The following RWDD4 variants were observed in gnomAD, a reference collection of about 807,000 sequenced individuals.
RWDD4 encodes RWD domain containing 4.
Under a neutral mutation model 30.0 loss-of-function variants are expected in RWDD4, and 16 were observed. That is an observed-to-expected ratio of 0.53 (90% CI 0.36 to 0.81). The LOEUF (loss-of-function observed/expected upper bound fraction) is 0.81. Ranked by LOEUF, RWDD4 falls within the 30% of genes least tolerant of loss-of-function variation. The pLI is 0.00. For synonymous variants in RWDD4, 45 were observed against 72.1 expected (o/e 0.62, Z 1.90); for missense variants, 170 against 223.9 (o/e 0.76, Z 1.54).
chr4:183,658,791 G>T, intron 1 of RWDD4, 138 bp downstream of exon 1: 1 of 693,806 alleles, frequency 1.4e-6, no homozygotes, highest in Non-Finnish European at 2.0e-6. Context: ...TGGGACGCCG[G>T]TGAACTCGGG....
intron 7 of RWDD4, among the ~76,000 whole-genome samples, chr4:183,642,732 G>A (rs569065047): frequency 2.0e-4 from 30 of 152,226 alleles, no homozygotes; most frequent in Admixed American, 5.9e-4. Context: ...CAAATGTCAT[G>A]CAGCCTCTGG....
At chr4:183,658,880 C>A in intron 1 of RWDD4, 49 bp downstream of exon 1, 1 of 1,233,046 alleles carries the variant, frequency 8.1e-7, no homozygotes, top group Non-Finnish European at 1.0e-6. Context: ...GGGCCCGGGG[C>A]TGCGCGCCGC....
intron 1 of RWDD4, among the ~76,000 whole-genome samples, chr4:183,658,345 A>C (rs891924540): frequency 6.6e-6 from 1 of 152,046 alleles, no homozygotes; most frequent in East Asian, 1.9e-4. Context: ...CCACCCCCCA[A>C]CTCTAATATT....
At chr4:183,641,872 G>A (rs1579120710) in intron 7 of RWDD4, among the ~76,000 whole-genome samples, 2 of 152,004 alleles carry the variant, frequency 1.3e-5, no homozygotes, top group African/African-American at 2.4e-5. Context: ...AAAAAAATAC[G>A]TAACCTAAGA....
chr4:183,648,891 G>T (rs186718123), intron 5 of RWDD4, among the ~76,000 whole-genome samples: 147 of 151,356 alleles, frequency 9.7e-4, no homozygotes, highest in African/African-American at 3.4e-3. Flanking sequence ...TTGTTGCCCA[G>T]GCTGAAGTGC....
Position 183,641,434 on chromosome 4 carries a change from T to G in RWDD4, c.*2A>C. ...CTCTTTCCTTGTCTCAAATTCCAAG[T>G]GCTACTCATCATCCTTAGAGCCAGT... On this transcript the variant is annotated 3_prime_UTR_variant, in exon 8 of 8. Coordinates refer to ENST00000326397, the MANE Select transcript of RWDD4 (RefSeq NM_152682.4). 1.2e-6 allele frequency: 2 copies of G among 1,603,908 alleles called. No homozygotes were observed. The highest frequency in any genetic ancestry group is 1.7e-6 in the Non-Finnish European group (2 of 1,172,590).
intron 7 of RWDD4, among the ~76,000 whole-genome samples, chr4:183,643,166 C>T (rs1265250765): frequency 2.8e-5 from 4 of 145,268 alleles, no homozygotes; most frequent in African/African-American, 1.0e-4. Flanking sequence ...GTGGCTCACA[C>T]CTGTAATCCC....
At chr4:183,642,506 C>A (rs554397360) in intron 7 of RWDD4, among the ~76,000 whole-genome samples, 1 of 152,088 alleles carries the variant, frequency 6.6e-6, no homozygotes, top group Non-Finnish European at 1.5e-5. Flanking sequence ...TCTTTATTAT[C>A]TAGCTCAGTG....
rs1281814713 is a variant in RWDD4, at chr4:183,658,917, C to A, written c.24+12G>T. On this transcript the variant is annotated intron_variant, in intron 1 of 7. Transcript: ENST00000326397. Reference sequence around the variant, plus strand: ...CCCGCGCTGGGAGAGGGCCCTGAGCCGGGGGGCTCACCTCCTGGTCCTCGT... The same window carrying A: ...CCCGCGCTGGGAGAGGGCCCTGAGCAGGGGGGCTCACCTCCTGGTCCTCGT... The A allele has an allele frequency of 1.3e-5, 16 of 1,265,764 alleles. No individual in the cohort carries two copies. Among genetic ancestry groups the A allele is most frequent in the Non-Finnish European group, 1.6e-5 (16 of 1,006,992 alleles). The allele number at this position is 1,265,764 out of a possible 1,614,324, so 78.4% of individuals were successfully genotyped here. A position where few individuals can be genotyped will look rare whatever the true frequency, so the allele number is the denominator to read the frequency against.
At chr4:183,643,115 TA>T (rs57474200) in intron 7 of RWDD4, among the ~76,000 whole-genome samples, 2,450 of 109,368 alleles carry the variant, frequency 0.022, 58 homozygotes, top group African/African-American at 0.05. Context: ...AAATAAAAAT[TA>T]AAAAAAAAAA....
intron 2 of RWDD4, 149 bp downstream of exon 2, chr4:183,655,732 T>C: frequency 2.0e-6 from 1 of 509,862 alleles, no homozygotes; most frequent in Non-Finnish European, 3.5e-6. Context: ...TAAAAATGAC[T>C]GATGTTAGGG....
chr4:183,642,611 C>CA (rs1469853158), intron 7 of RWDD4, among the ~76,000 whole-genome samples: 1 of 151,872 alleles, frequency 6.6e-6, no homozygotes, highest in Non-Finnish European at 1.5e-5. Context: ...TAAGAACAAC[C>CA]TGGGTTAATA....
At chr4:183,644,704 A>G (rs948317203) in intron 7 of RWDD4, among the ~76,000 whole-genome samples, 1 of 151,998 alleles carries the variant, frequency 6.6e-6, no homozygotes, top group African/African-American at 2.4e-5. Context: ...GCTTGAACCC[A>G]GGAGCAGAGG....
Position 183,651,266 on chromosome 4 carries a change from G to T in RWDD4, c.167C>A (p.Pro56His). Residue 56 changes from proline (P) to histidine (H), a missense_variant, in exon 3 of 8, where the codon CCC (proline) becomes CAC (histidine). Transcript: ENST00000326397. Reference sequence around the variant, plus strand: ...CATAGATAGAATTGGAGGTGTTTGGGGATATGTTTCTGTCCAGGAAATCTC... The same window carrying T: ...CATAGATAGAATTGGAGGTGTTTGGTGATATGTTTCTGTCCAGGAAATCTC... ...LIEISWTETY[P>H]QTPPILSMNA... 3.1e-6 allele frequency: 5 copies of T among 1,613,046 alleles called. No homozygotes were observed. Among genetic ancestry groups the T allele is most frequent in the Non-Finnish European group, 4.2e-6 (5 of 1,179,980 alleles).
At chr4:183,655,824 C>A in intron 2 of RWDD4, 57 bp downstream of exon 2, 2 of 989,698 alleles carry the variant, frequency 2.0e-6, no homozygotes, top group Non-Finnish European at 1.5e-6. Flanking sequence ...GCATTTTTAG[C>A]CACTTTCAGT....
At position 183,641,446 on chromosome 4, in the gene RWDD4, T is replaced by A; in HGVS notation, c.557A>T (p.Asp186Val). The A allele has an allele frequency of 1.9e-6, 3 of 1,608,750 alleles. No individual in the cohort carries two copies. Among genetic ancestry groups the A allele is most frequent in the Non-Finnish European group, 2.6e-6 (3 of 1,176,318 alleles). Residue 186 changes from aspartate to valine, a missense_variant, in exon 8 of 8, where the codon GAT becomes GTT. By Grantham distance (152) the Asp-to-Val change is radical (BLOSUM62 -3). Transcript: ENST00000326397. The stretch of plus-strand genomic sequence containing the variant: ...CTCAAATTCCAAGTGCTACTCATCA[T>A]CCTTAGAGCCAGTTTTGCTTAACTA... ...VKHLSKTGSK[D>V]DE is the part of the protein sequence containing the mutation.
In RWDD4 at chr4:183,641,057, G is replaced by C; in HGVS notation, c.*379C>G. ...GCACTATGGAGTAACTGTTCACTGA[G>C]TACTCCGCTCCACTGGGATGATAGT... On this transcript the variant is annotated 3_prime_UTR_variant, in exon 8 of 8. Coordinates refer to ENST00000326397, the MANE Select transcript of RWDD4 (RefSeq NM_152682.4). 4.5e-6 allele frequency: 1 copy of C among 223,662 alleles called. No individual in the cohort carries two copies. The highest frequency in any genetic ancestry group is 8.7e-6 in the Non-Finnish European group (1 of 114,326). 13.9% of individuals were successfully genotyped at this position (223,662 alleles called of 1,614,324 possible). A position where few individuals can be genotyped will look rare whatever the true frequency, so the allele number is the denominator to read the frequency against.
chr4:183,657,484 C>T (rs1342134444), intron 1 of RWDD4, among the ~76,000 whole-genome samples: 1 of 152,092 alleles, frequency 6.6e-6, no homozygotes, highest in African/African-American at 2.4e-5. Flanking sequence ...TCCAAAAAGT[C>T]TTTGAAAAGC....
intron 1 of RWDD4, among the ~76,000 whole-genome samples, chr4:183,656,856 T>C (rs1435986876): frequency 6.6e-6 from 1 of 152,132 alleles, no homozygotes; most frequent in Non-Finnish European, 1.5e-5. Context: ...TGAAACCCCA[T>C]CTCTACTAAA....
Sources: gnomAD v4.1 joint callset for allele counts (sites outside exome capture counted in the v4.1 genomes callset) on GRCh38, gnomAD v4.1.1 for gene constraint, MANE v1.5 for transcripts, NCBI Gene and HGNC (gene_info 2026-07-23, HGNC 2026-07-21) for gene names.